Variants in FRMD4A observed in about 807,000 individuals in gnomAD.
The protein encoded by FRMD4A is FERM domain-containing protein 4A.
In FRMD4A, 29 loss-of-function variants were observed where a neutral mutation model predicts 129.1. The ratio of observed to expected loss-of-function variants is 0.22; its 90% CI spans 0.17 to 0.31. The LOEUF (loss-of-function observed/expected upper bound fraction) is 0.31. Among genes scored for constraint, FRMD4A ranks in the 10% least tolerant of loss-of-function variants. FRMD4A has a pLI of 1.00. For missense variants in FRMD4A, 1,272 were observed against 1,375.8 expected, an observed-to-expected ratio of 0.92 and a Z score of 1.19; for synonymous variants, 634 against 571.6, an observed-to-expected ratio of 1.11 and a Z score of -1.56.
At chr10:13,814,808 A>C (rs756063157) in intron 3 of FRMD4A, among the ~76,000 whole-genome samples, 1 of 152,116 alleles carries the variant, frequency 6.6e-6, no homozygotes, top group South Asian at 2.1e-4. Flanking sequence ...TATCTAGAAC[A>C]TATGTTCATC....
chr10:13,870,353 C>T (rs1300519421), intron 2 of FRMD4A, among the ~76,000 whole-genome samples: 2 of 152,266 alleles, frequency 1.3e-5, no homozygotes, highest in Non-Finnish European at 2.9e-5. Context: ...TACTCTCCTT[C>T]CCATCGCTCC....
At chr10:13,687,389 G>A (rs939969583) in intron 15 of FRMD4A, among the ~76,000 whole-genome samples, 1 of 152,190 alleles carries the variant, frequency 6.6e-6, no homozygotes, top group Non-Finnish European at 1.5e-5. Context: ...CTCACTTTCA[G>A]ACAAGCTATG....
chr10:13,747,353 A>G (rs1045624243), intron 9 of FRMD4A, among the ~76,000 whole-genome samples: 1 of 151,894 alleles, frequency 6.6e-6, no homozygotes, highest in South Asian at 2.1e-4. Flanking sequence ...CCTGGCCAAC[A>G]TGGTGAAACC....
At chr10:13,767,265 A>T (rs911775787) in intron 6 of FRMD4A, among the ~76,000 whole-genome samples, 27 of 151,424 alleles carry the variant, frequency 1.8e-4, no homozygotes, top group African/African-American at 6.6e-4. Flanking sequence ...TTGAGACAGG[A>T]TCTCACTGTG....
At position 14,194,601 on chromosome 10, in the gene FRMD4A, ACT is replaced by A. The variant is rs755246471; in HGVS notation, c.45+135455_45+135456del. ...ACTCTCGCCTGGGCGACACAGCGAG[ACT>A]CTGTCTCAACAACAACAACAACAAC... On this transcript the variant is annotated intron_variant, in intron 2 of 24. Transcript: ENST00000357447. Among the ~76,000 whole-genome samples, 3 of 151,998 alleles carry A rather than the reference ACT, an allele frequency of 2.0e-5. No homozygotes were observed. In the East Asian group the frequency reaches 5.8e-4, roughly 29 times the overall value.
At chr10:14,061,959 A>G (rs887820844) in intron 2 of FRMD4A, among the ~76,000 whole-genome samples, 16 of 152,218 alleles carry the variant, frequency 1.1e-4, no homozygotes, top group African/African-American at 3.9e-4. Context: ...AATTTCTTTA[A>G]TTGGATCTCT....
At position 13,672,117 on chromosome 10, in the gene FRMD4A, G is replaced by A. The variant is rs569849243; in HGVS notation, c.1252-1589C>T. Among the ~76,000 whole-genome samples the A allele has an allele frequency of 3.3e-5, 5 of 152,354 alleles. No homozygotes were observed. In the East Asian group the frequency reaches 9.6e-4, roughly 29 times the overall value. ...TGTGCATGTGTGTGCGTGTGTACAT[G>A]TGTACACGTGACATGAGCATAAACA... On this transcript the variant is annotated intron_variant, in intron 16 of 24. Transcript: ENST00000357447.
At chr10:14,293,956 G>T (rs911669521) in intron 2 of FRMD4A, among the ~76,000 whole-genome samples, 81 of 152,216 alleles carry the variant, frequency 5.3e-4, no homozygotes, top group African/African-American at 1.9e-3. Context: ...AAGAATACTT[G>T]CAGGATGATT....
intron 2 of FRMD4A, among the ~76,000 whole-genome samples, chr10:14,182,514 T>A (rs1315100290): frequency 6.6e-6 from 1 of 152,204 alleles, no homozygotes; most frequent in Non-Finnish European, 1.5e-5. Flanking sequence ...GCCACTGCAC[T>A]CCAGCCTGGA....
chr10:13,921,721 C>T (rs1010709750), intron 2 of FRMD4A, among the ~76,000 whole-genome samples: 2 of 152,164 alleles, frequency 1.3e-5, no homozygotes, highest in Non-Finnish European at 2.9e-5. Context: ...GCCATAGCAG[C>T]ACATAAGGAA....
intron 2 of FRMD4A, among the ~76,000 whole-genome samples, chr10:14,204,522 C>T (rs1041200378): frequency 2.0e-5 from 3 of 152,106 alleles, no homozygotes; most frequent in Admixed American, 6.5e-5. Flanking sequence ...AATTATCACA[C>T]GTCACGGTGA....
intron 15 of FRMD4A, chr10:13,684,027 C>T (rs1249738882): frequency 6.6e-6 from 1 of 151,960 alleles, no homozygotes; most frequent in Non-Finnish European, 1.5e-5. Context: ...TTTTTTATTG[C>T]CTCTCTGAGA....
intron 2 of FRMD4A, among the ~76,000 whole-genome samples, chr10:14,094,627 G>T (rs1836845941): frequency 6.6e-6 from 1 of 152,146 alleles, no homozygotes; most frequent in African/African-American, 2.4e-5. Context: ...ATGTGGCCCT[G>T]CTGGAAAAAT....
At chr10:14,173,504 A>G (rs553743737) in intron 2 of FRMD4A, among the ~76,000 whole-genome samples, 1 of 152,304 alleles carries the variant, frequency 6.6e-6, no homozygotes, top group East Asian at 1.9e-4. Context: ...ACTGGCCTCC[A>G]GAATGCATTA....
intron 2 of FRMD4A, among the ~76,000 whole-genome samples, chr10:14,024,150 T>G (rs780805988): frequency 7.2e-5 from 11 of 152,226 alleles, no homozygotes; most frequent in Non-Finnish European, 1.3e-4. Context: ...TTAATCTGCA[T>G]GGACTATTCT....
intron 2 of FRMD4A, among the ~76,000 whole-genome samples, chr10:14,323,726 T>C (rs1469329808): frequency 6.6e-6 from 1 of 152,178 alleles, no homozygotes; most frequent in Non-Finnish European, 1.5e-5. Flanking sequence ...TTCCTTCCTT[T>C]CAGTAGGTCT....
intron 2 of FRMD4A, among the ~76,000 whole-genome samples, chr10:14,155,560 G>A (rs1277784215): frequency 6.6e-6 from 1 of 152,130 alleles, no homozygotes; most frequent in African/African-American, 2.4e-5. Flanking sequence ...ACAGAGTCTA[G>A]CAGGTTTCCT....
intron 14 of FRMD4A, among the ~76,000 whole-genome samples, chr10:13,698,033 G>T (rs1459956827): frequency 1.4e-5 from 2 of 144,634 alleles, no homozygotes; most frequent in South Asian, 2.4e-4. Context: ...GCCTCCCTCC[G>T]CCCTGTCTTA....
At chr10:14,185,492 T>G (rs1359732) in intron 2 of FRMD4A, among the ~76,000 whole-genome samples, 38,335 of 152,190 alleles carry the variant, frequency 0.25, 5,019 homozygotes, top group Admixed American at 0.31. Context: ...TTGTAATTTT[T>G]CTAACTTCAA....
Sources: allele counts gnomAD v4.1 joint callset (sites outside exome capture counted in the v4.1 genomes callset), GRCh38; gene constraint gnomAD v4.1.1; transcripts MANE v1.5; gene names NCBI Gene and HGNC (gene_info 2026-07-23, HGNC 2026-07-21).